Variants in WASF1 observed in about 807,000 individuals in gnomAD.
WASF1 encodes WASP family member 1.
A neutral mutation model predicts 50.5 loss-of-function variants in WASF1; 7 were observed. The observed-to-expected ratio is 0.14, with a 90% CI of 0.08 to 0.26. The LOEUF is 0.26. WASF1 is among the 10% of genes least tolerant of loss of function. The probability of loss-of-function intolerance (pLI) is 1.00; values close to 1 mark genes in which losing one functional copy is unlikely to be tolerated. For missense variants in WASF1, 470 were observed against 694.7 expected, an observed-to-expected ratio of 0.68 and a Z score of 3.64; for synonymous variants, 205 against 244.0, an observed-to-expected ratio of 0.84 and a Z score of 1.49.
At chr6:110,167,027 G>T (rs919822286) in intron 2 of WASF1, among the ~76,000 whole-genome samples, 3 of 151,744 alleles carry the variant, frequency 2.0e-5, no homozygotes, top group Non-Finnish European at 4.4e-5. Context: ...AGTCACATAA[G>T]GTTCTAAGGG....
At chr6:110,115,605 C>T (rs893586765) in intron 4 of WASF1, among the ~76,000 whole-genome samples, 3 of 152,322 alleles carry the variant, frequency 2.0e-5, no homozygotes, top group Non-Finnish European at 1.5e-5. Flanking sequence ...GCAAACATGA[C>T]AGCTCTAATT....
chr6:110,102,263 T>A, intron 9 of WASF1, 47 bp from the exon 10 acceptor site: 1 of 1,347,166 alleles, frequency 7.4e-7, no homozygotes, highest in Non-Finnish European at 9.6e-7. Flanking sequence ...GAGAAAAGCC[T>A]AAAGAGAAAA....
chr6:110,103,251 T>G, intron 9 of WASF1, 127 bp downstream of exon 9: 1 of 930,254 alleles, frequency 1.1e-6, no homozygotes, highest in Non-Finnish European at 1.6e-6. Flanking sequence ...CATGCAACAA[T>G]GGCAGAATTG....
In WASF1 at chr6:110,100,629, C is replaced by G; in HGVS notation, c.1573G>C (p.Glu525Gln). The change falls in exon 11 of 11, where the codon GAA (glutamate) becomes CAA (glutamine). Residue 525 changes from glutamate to glutamine, a missense_variant. This residue lies in a region of WASF1 where 36 missense variants were observed against 90.7 expected (regional missense o/e 0.40). Coordinates refer to ENST00000392589, the MANE Select transcript of WASF1 (RefSeq NM_003931.3). ...EEQREQEAKH[E>Q]RIENDVATIL... is the part of the protein sequence containing the mutation. ...GTGGCAACATCGTTTTCAATGCGTTCATGCTTAGCTTCCTGTTCACGCTGC... is the reference window on the plus strand; with the variant it reads ...GTGGCAACATCGTTTTCAATGCGTTGATGCTTAGCTTCCTGTTCACGCTGC... The G allele has an allele frequency of 3.7e-6, 6 of 1,613,628 alleles. No homozygotes were observed. The highest frequency in any genetic ancestry group is 5.1e-6 in the Non-Finnish European group (6 of 1,179,828).
At chr6:110,113,514 T>A (rs549311123) in intron 4 of WASF1, 54 bp from the exon 5 acceptor site, 1 of 1,475,282 alleles carries the variant, frequency 6.8e-7, no homozygotes, top group South Asian at 1.4e-5. Context: ...GCACTGAGTT[T>A]TTATCTTTGC....
chr6:110,177,427 C>T (rs1470928388), intron 2 of WASF1, among the ~76,000 whole-genome samples: 1 of 152,014 alleles, frequency 6.6e-6, no homozygotes, highest in African/African-American at 2.4e-5. Flanking sequence ...AAGCAAAAAT[C>T]AATGTTAATC....
chr6:110,104,132 A>G (rs1773213681), intron 8 of WASF1, among the ~76,000 whole-genome samples: 1 of 152,228 alleles, frequency 6.6e-6, no homozygotes, highest in Non-Finnish European at 1.5e-5. Context: ...AAAATAGCTG[A>G]GTAACATAGC....
In WASF1 at chr6:110,105,480, C is replaced by A; in HGVS notation, c.640G>T (p.Ala214Ser). 6.2e-7 allele frequency: 1 copy of A among 1,614,044 alleles called. No homozygotes were observed. Among genetic ancestry groups the A allele is most frequent in the South Asian group, 1.1e-5 (1 of 91,078 alleles). ...TGTAAGAGATTAGCATCATCTTCAG[C>A]CAGCTCTGGACCTTGGGCCAGCTTC... ...WQKLAQGPELAEDDANLLHKH... is the reference protein window; with the variant it reads ...WQKLAQGPELSEDDANLLHKH... The change falls in exon 8 of 11, where the codon GCT becomes TCT. Residue 214 changes from alanine (A) to serine (S), a missense_variant. Physicochemically the swap from Ala to Ser is moderately conservative, Grantham distance 99. Around this residue, in one of 3 missense-constraint regions of WASF1, gnomAD observed 140 missense variants for 260.5 expected, o/e 0.54. Coordinates refer to ENST00000392589, the MANE Select transcript of WASF1 (RefSeq NM_003931.3).
Position 110,100,684 on chromosome 6 carries a change from T to A in WASF1, c.1523-5A>T. On this transcript the variant is annotated splice_region_variant and splice_polypyrimidine_tract_variant and intron_variant, in intron 10 of 10. Coordinates refer to ENST00000392589, the MANE Select transcript of WASF1 (RefSeq NM_003931.3). ...CTACTTTGCGTAGCTGAATACCTGA[T>A]ACAGTGAATCCAAACCATTCATTTA... is the stretch of plus-strand genomic sequence containing the variant. 1 of 1,606,530 alleles carries A rather than the reference T, an allele frequency of 6.2e-7. No homozygotes were observed. The highest frequency in any genetic ancestry group is 8.5e-7 in the Non-Finnish European group (1 of 1,176,588).
intron 3 of WASF1, among the ~76,000 whole-genome samples, chr6:110,134,832 AG>A (rs1774872327): frequency 6.6e-6 from 1 of 152,156 alleles, no homozygotes; most frequent in East Asian, 1.9e-4. Flanking sequence ...CTTTTTGCTT[AG>A]TCTTGCTTTA....
chr6:110,151,966 T>C (rs1236073089), intron 3 of WASF1, among the ~76,000 whole-genome samples: 12 of 152,172 alleles, frequency 7.9e-5, no homozygotes, highest in Non-Finnish European at 2.9e-5. Flanking sequence ...ATATAAACTT[T>C]ATTGAGGTAT....
At chr6:110,110,351 T>C (rs1056716721) in intron 5 of WASF1, among the ~76,000 whole-genome samples, 3 of 152,210 alleles carry the variant, frequency 2.0e-5, no homozygotes, top group African/African-American at 7.2e-5. Flanking sequence ...CCACACGCTG[T>C]TCTCAGGCTC....
intron 2 of WASF1, among the ~76,000 whole-genome samples, chr6:110,177,530 T>C (rs1335701296): frequency 6.6e-6 from 1 of 152,116 alleles, no homozygotes; most frequent in Non-Finnish European, 1.5e-5. Flanking sequence ...AAGATTTAAA[T>C]TTTCTTTAAA....
Position 110,167,939 on chromosome 6 carries a change from T to C in WASF1, c.-126-7207A>G, listed in dbSNP as rs1001311011. The stretch of plus-strand genomic sequence containing the variant: ...ACTGATTACATTGGAAACATTTACA[T>C]ACCACACTGAGTATTTAATGAAAAA... On this transcript the variant is annotated intron_variant, in intron 2 of 10. Transcript: ENST00000392589. Among the ~76,000 whole-genome samples, 10 of 152,138 alleles carry C rather than the reference T, an allele frequency of 6.6e-5. 1 individual carries two copies. The highest frequency in any genetic ancestry group is 1.3e-4 in the Admixed American group (2 of 15,256).
At chr6:110,113,292 T>C (rs1773652192) in intron 5 of WASF1, 34 bp downstream of exon 5, 3 of 1,472,010 alleles carry the variant, frequency 2.0e-6, no homozygotes, top group Non-Finnish European at 2.7e-6. Context: ...TTAAAATATA[T>C]ACGTAGAAGA....
Position 110,124,235 on chromosome 6 carries a change from C to CTCT in WASF1, c.133+3233_133+3234insAGA, listed in dbSNP as rs1554201262. On this transcript the variant is annotated intron_variant, in intron 4 of 10. Coordinates refer to ENST00000392589, the MANE Select transcript of WASF1 (RefSeq NM_003931.3). ...TCTCTCTCCTCTCTCTCCTCTCTCT[C>CTCT]CTCTCTCTCTCTCTCTCTCTCTCTC... 4.5e-4 allele frequency among the ~76,000 whole-genome samples: 5 copies of CTCT among 11,030 alleles called. 1 individual carries two copies. Among genetic ancestry groups the CTCT allele is most frequent in the South Asian group, 7.8e-3 (1 of 128 alleles). The allele number at this position is 11,030 out of a possible 152,430, so 7.2% of individuals were successfully genotyped here.
intron 2 of WASF1, among the ~76,000 whole-genome samples, chr6:110,171,440 G>A (rs888272545): frequency 6.6e-6 from 1 of 152,082 alleles, no homozygotes; most frequent in Non-Finnish European, 1.5e-5. Context: ...TGCTTGGAGG[G>A]AAATTTATGG....
At chr6:110,113,664 G>A (rs761057006) in intron 4 of WASF1, among the ~76,000 whole-genome samples, 1 of 151,958 alleles carries the variant, frequency 6.6e-6, no homozygotes, top group Non-Finnish European at 1.5e-5. Context: ...GAACAAAATC[G>A]TTTAACTGTA....
intron 4 of WASF1, among the ~76,000 whole-genome samples, chr6:110,114,566 C>A (rs946075922): frequency 2.6e-5 from 4 of 152,004 alleles, no homozygotes; most frequent in Non-Finnish European, 5.9e-5. Flanking sequence ...CATACAGACT[C>A]TAACATGATT....
Sources: allele counts gnomAD v4.1 joint callset (sites outside exome capture counted in the v4.1 genomes callset), GRCh38; gene constraint gnomAD v4.1.1; regional missense constraint gnomAD v4.1.1; transcripts MANE v1.5; gene names NCBI Gene and HGNC (gene_info 2026-07-23, HGNC 2026-07-21).